Variants in RBFOX1 observed in about 807,000 individuals in gnomAD.
RBFOX1 encodes the protein RNA binding protein fox-1 homolog 1.
In RBFOX1, 8 loss-of-function variants were observed where a neutral mutation model predicts 57.7. The observed-to-expected ratio is 0.14, with a 90% CI of 0.08 to 0.25. The LOEUF (loss-of-function observed/expected upper bound fraction) is 0.25, where lower values mean the gene tolerates loss of function less well. Among genes scored for constraint, RBFOX1 ranks in the 10% least tolerant of loss-of-function variants. The pLI, the probability that RBFOX1 is intolerant of heterozygous loss-of-function variation, is 1.00. For synonymous variants in RBFOX1, 326 were observed against 222.4 expected (o/e 1.47, Z -4.15); for missense variants, 611 against 548.5 (o/e 1.11, Z -1.14).
chr16:5,700,197 C>T (rs912056991), intron 3 of RBFOX1, among the ~76,000 whole-genome samples: 2 of 152,084 alleles, frequency 1.3e-5, no homozygotes, highest in African/African-American at 4.8e-5. Context: ...TTGAAGTCAG[C>T]ATTTAAAAAG....
rs139095531 is a variant in RBFOX1 at position 6,342,225 on chromosome 16, T to C, written c.-64+25168T>C. On this transcript the variant is annotated intron_variant, in intron 2 of 15. Coordinates refer to ENST00000550418, the MANE Select transcript of RBFOX1 (RefSeq NM_018723.4). ...GCAAGCTTGTGTAAGGGATTATCAG[T>C]TGGGAAGCTGTTGCAGAGCTCCTGG... 1.5e-3 allele frequency among the ~76,000 whole-genome samples: 227 copies of C among 152,222 alleles called. 1 individual carries two copies. Among genetic ancestry groups the C allele is most frequent in the African/African-American group, 5.2e-3 (214 of 41,550 alleles).
intron 2 of RBFOX1, among the ~76,000 whole-genome samples, chr16:6,642,449 A>T (rs2098499713): frequency 6.6e-6 from 1 of 152,080 alleles, no homozygotes; most frequent in East Asian, 1.9e-4. Context: ...CCTACCTGAA[A>T]CAGGGATGCC....
At chr16:7,180,762 T>A (rs1193427721) in intron 4 of RBFOX1, among the ~76,000 whole-genome samples, 1 of 150,928 alleles carries the variant, frequency 6.6e-6, no homozygotes, top group Admixed American at 6.6e-5. Context: ...GGTGAAAATA[T>A]TTAGGCAAAA....
intron 3 of RBFOX1, among the ~76,000 whole-genome samples, chr16:5,764,411 A>G (rs1290229648): frequency 6.6e-6 from 1 of 152,224 alleles, no homozygotes; most frequent in African/African-American, 2.4e-5. Context: ...AGCCTGCAGA[A>G]CCATGAGCCA....
intron 3 of RBFOX1, among the ~76,000 whole-genome samples, chr16:5,756,223 CA>C (rs5815266): frequency 0.018 from 920 of 50,874 alleles, 4 homozygotes; most frequent in African/African-American, 0.048. Flanking sequence ...TCCACATAAG[CA>C]AAAAAAAAAA....
At chr16:6,285,759 A>G (rs913890933) in intron 1 of RBFOX1, among the ~76,000 whole-genome samples, 1 of 152,174 alleles carries the variant, frequency 6.6e-6, no homozygotes, top group Admixed American at 6.5e-5. Context: ...ATTGGATTGT[A>G]GGTAGACTCT....
intron 2 of RBFOX1, among the ~76,000 whole-genome samples, chr16:6,490,353 C>T (rs1446831916): frequency 1.3e-5 from 2 of 152,120 alleles, no homozygotes; most frequent in African/African-American, 2.4e-5. Flanking sequence ...TAAATGAGTA[C>T]ATGGATGGAA....
chr16:7,357,055 C>T (rs548634371), intron 4 of RBFOX1, among the ~76,000 whole-genome samples: 123 of 152,236 alleles, frequency 8.1e-4, no homozygotes, highest in African/African-American at 2.9e-3. Flanking sequence ...ATCTATCTGC[C>T]TTGGAACATT....
In RBFOX1 at chr16:7,553,596, C is replaced by G. The variant is rs8044858; in HGVS notation, c.271-26181C>G. Reference sequence around the variant, plus strand: ...GATACATATGGCAAAATTTCAAACTCAAATGAAGATCTGCAAGTGGCCAGT... The same window carrying G: ...GATACATATGGCAAAATTTCAAACTGAAATGAAGATCTGCAAGTGGCCAGT... On this transcript the variant is annotated intron_variant, in intron 5 of 15. Transcript: ENST00000550418. Among the ~76,000 whole-genome samples, 482 of 152,298 alleles carry G rather than the reference C, an allele frequency of 3.2e-3. 1 individual carries two copies. Among genetic ancestry groups the G allele is most frequent in the African/African-American group, 0.011 (462 of 41,568 alleles).
intron 3 of RBFOX1, among the ~76,000 whole-genome samples, chr16:6,919,645 A>C (rs964530630): frequency 1.3e-5 from 2 of 152,082 alleles, no homozygotes; most frequent in Non-Finnish European, 2.9e-5. Context: ...CTTTTTGTTG[A>C]TGGAGAGATA....
chr16:5,695,143 G>A (rs2050808453), intron 3 of RBFOX1, among the ~76,000 whole-genome samples: 1 of 152,114 alleles, frequency 6.6e-6, no homozygotes, highest in Non-Finnish European at 1.5e-5. Flanking sequence ...ATTAGGGTGA[G>A]ATATTTAGTG....
intron 4 of RBFOX1, among the ~76,000 whole-genome samples, chr16:7,472,897 G>A (rs2061825956): frequency 6.6e-6 from 1 of 152,190 alleles, no homozygotes; most frequent in Non-Finnish European, 1.5e-5. Flanking sequence ...GCTTTATTAA[G>A]AGCAAACGCA....
At chr16:5,255,974 G>A (rs1242350236) in intron 1 of RBFOX1, among the ~76,000 whole-genome samples, 1 of 151,812 alleles carries the variant, frequency 6.6e-6, no homozygotes, top group Non-Finnish European at 1.5e-5. Context: ...TAAATAAGAT[G>A]TCACATTAAA....
intron 3 of RBFOX1, among the ~76,000 whole-genome samples, chr16:6,739,283 G>T (rs2071345766): frequency 6.6e-6 from 1 of 151,546 alleles, no homozygotes; most frequent in Admixed American, 6.6e-5. Context: ...AGGAGAGAAG[G>T]TGAGAATATT....
At chr16:6,071,145 A>G (rs1411140608) in intron 1 of RBFOX1, among the ~76,000 whole-genome samples, 2 of 152,156 alleles carry the variant, frequency 1.3e-5, no homozygotes, top group Non-Finnish European at 2.9e-5. Flanking sequence ...TAACATGGTG[A>G]AACCTCATCT....
chr16:6,746,902 A>T (rs542960392), intron 3 of RBFOX1, among the ~76,000 whole-genome samples: 1 of 152,280 alleles, frequency 6.6e-6, no homozygotes, highest in East Asian at 1.9e-4. Context: ...ATCTCCTAGC[A>T]GTCTTCTCAG....
chr16:7,260,948 A>T (rs546770458), intron 4 of RBFOX1, among the ~76,000 whole-genome samples: 1 of 152,206 alleles, frequency 6.6e-6, no homozygotes, highest in African/African-American at 2.4e-5. Flanking sequence ...CCAAACACCT[A>T]CAGCCCCTTC....
chr16:5,301,495 T>G (rs1414790509), intron 1 of RBFOX1, among the ~76,000 whole-genome samples: 1 of 151,698 alleles, frequency 6.6e-6, no homozygotes, highest in African/African-American at 2.4e-5. Flanking sequence ...GGCAGGCGCC[T>G]GTAGTCCCAG....
chr16:6,609,430 C>G (rs1164557093), intron 2 of RBFOX1, among the ~76,000 whole-genome samples: 2 of 152,068 alleles, frequency 1.3e-5, no homozygotes, highest in African/African-American at 2.4e-5. Flanking sequence ...CTGCAATCTC[C>G]TCTGCCTCCC....
Sources: allele counts gnomAD v4.1 joint callset (sites outside exome capture counted in the v4.1 genomes callset), GRCh38; gene constraint gnomAD v4.1.1; transcripts MANE v1.5; gene names NCBI Gene and HGNC (gene_info 2026-07-23, HGNC 2026-07-21).